Variants in WWC2 observed in about 807,000 individuals in gnomAD.
WWC2 encodes the protein WW and C2 domain containing 2, also known as protein WWC2.
Under a neutral mutation model 138.5 loss-of-function variants are expected in WWC2, and 101 were observed. That is an observed-to-expected ratio of 0.73 (90% CI 0.62 to 0.86). The LOEUF is 0.86. WWC2 is among the 40% of genes least tolerant of loss of function. The pLI is 0.00. For missense variants in WWC2, 1,420 were observed against 1,419.4 expected, an observed-to-expected ratio of 1.00 and a Z score of -0.01; for synonymous variants, 558 against 538.4, an observed-to-expected ratio of 1.04 and a Z score of -0.50.
At chr4:183,230,436 G>A (rs963749974) in intron 4 of WWC2, among the ~76,000 whole-genome samples, 3 of 152,184 alleles carry the variant, frequency 2.0e-5, no homozygotes, top group African/African-American at 7.2e-5. Context: ...CAGCACTTTG[G>A]GAGGCCAAAG....
chr4:183,206,692 T>C (rs1735456175), intron 2 of WWC2, among the ~76,000 whole-genome samples: 1 of 152,122 alleles, frequency 6.6e-6, no homozygotes, highest in South Asian at 2.1e-4. Context: ...CTCCTTTCTT[T>C]CACAGCAGAG....
intron 9 of WWC2, among the ~76,000 whole-genome samples, chr4:183,256,295 T>C (rs1157750053): frequency 1.3e-5 from 2 of 152,242 alleles, no homozygotes; most frequent in African/African-American, 4.8e-5. Flanking sequence ...CCTGGGATGC[T>C]CAAAGTGACT....
intron 1 of WWC2, among the ~76,000 whole-genome samples, chr4:183,144,263 C>G (rs1420777230): frequency 1.3e-5 from 2 of 151,976 alleles, no homozygotes; most frequent in Non-Finnish European, 2.9e-5. Context: ...AATCGGGGAG[C>G]TTTTGCTTTG....
chr4:183,258,867 A>G (rs893095707), intron 9 of WWC2, among the ~76,000 whole-genome samples: 1 of 152,228 alleles, frequency 6.6e-6, no homozygotes. Context: ...CACGACATAG[A>G]CTATACTTGC....
At chr4:183,267,535 A>G (rs1051217309) in intron 14 of WWC2, among the ~76,000 whole-genome samples, 4 of 152,360 alleles carry the variant, frequency 2.6e-5, no homozygotes, top group Non-Finnish European at 5.9e-5. Flanking sequence ...GCACAACTTC[A>G]GGAGAAAACT....
At chr4:183,314,043 G>C (rs1270870273) in intron 22 of WWC2, among the ~76,000 whole-genome samples, 1 of 152,068 alleles carries the variant, frequency 6.6e-6, no homozygotes, top group East Asian at 1.9e-4. Flanking sequence ...TCACGTGGTG[G>C]AGCAGGGACA....
chr4:183,222,096 C>T, intron 4 of WWC2, among the ~76,000 whole-genome samples: 1 of 152,048 alleles, frequency 6.6e-6, no homozygotes, highest in Non-Finnish European at 1.5e-5. Context: ...GGATGAATTT[C>T]AAAAACAGTG....
intron 2 of WWC2, among the ~76,000 whole-genome samples, chr4:183,196,231 C>T (rs1008131360): frequency 4.6e-5 from 7 of 152,148 alleles, no homozygotes; most frequent in Admixed American, 1.3e-4. Flanking sequence ...ATTACTCAGT[C>T]TCAGGTATTC....
At chr4:183,135,197 G>T (rs994234161) in intron 1 of WWC2, among the ~76,000 whole-genome samples, 4 of 152,112 alleles carry the variant, frequency 2.6e-5, no homozygotes, top group African/African-American at 4.8e-5. Context: ...GGGATTACCG[G>T]AGTGAGCGAC....
At chr4:183,306,571 C>A (rs1579075213) in intron 21 of WWC2, among the ~76,000 whole-genome samples, 1 of 151,760 alleles carries the variant, frequency 6.6e-6, no homozygotes, top group East Asian at 1.9e-4. Flanking sequence ...GAAGGGGTAA[C>A]AATTTTTTTT....
chr4:183,241,415 C>T (rs1736617892), intron 5 of WWC2, among the ~76,000 whole-genome samples: 1 of 152,180 alleles, frequency 6.6e-6, no homozygotes, highest in Non-Finnish European at 1.5e-5. Context: ...TCTTGGGATA[C>T]GCAGGCACTG....
intron 1 of WWC2, among the ~76,000 whole-genome samples, chr4:183,100,160 A>G (rs1457455973): frequency 6.6e-6 from 1 of 152,074 alleles, no homozygotes; most frequent in Non-Finnish European, 1.5e-5. Context: ...GGGCCCTGCT[A>G]GTGGGTGTGA....
At chr4:183,193,479 G>GT (rs970794787) in intron 1 of WWC2, 120 bp from the exon 2 acceptor site, 62,002 of 574,240 alleles carry the variant, frequency 0.11, no homozygotes, top group South Asian at 0.15. Context: ...TTTATCCTTG[G>GT]TTTTTTTTTT....
chr4:183,203,320 C>T (rs541936701), intron 2 of WWC2, among the ~76,000 whole-genome samples: 70 of 151,878 alleles, frequency 4.6e-4, no homozygotes, highest in African/African-American at 1.7e-3. Flanking sequence ...TTTCACAATG[C>T]GGGTACCTCA....
intron 17 of WWC2, chr4:183,281,157 T>C (rs1161248217): frequency 2.2e-6 from 1 of 456,364 alleles, no homozygotes; most frequent in Non-Finnish European, 3.7e-6. Context: ...TCTGAGCCTT[T>C]TTTTTTTTAG....
intron 1 of WWC2, among the ~76,000 whole-genome samples, chr4:183,130,382 T>C (rs1270711563): frequency 6.6e-6 from 1 of 152,070 alleles, no homozygotes; most frequent in Non-Finnish European, 1.5e-5. Flanking sequence ...AAAAAAAAAA[T>C]TATGTGTGGC....
intron 1 of WWC2, among the ~76,000 whole-genome samples, chr4:183,165,688 C>G (rs1166506432): frequency 2.0e-5 from 3 of 152,138 alleles, no homozygotes; most frequent in Non-Finnish European, 4.4e-5. Context: ...CATTTAATTA[C>G]TGTTACAAAG....
chr4:183,152,596 G>A (rs1733672111), intron 1 of WWC2, among the ~76,000 whole-genome samples: 1 of 151,570 alleles, frequency 6.6e-6, no homozygotes, highest in Non-Finnish European at 1.5e-5. Flanking sequence ...TCGAGAGTTG[G>A]GGTCTTGACC....
chr4:183,130,695 C>G (rs1023254296), intron 1 of WWC2, among the ~76,000 whole-genome samples: 1 of 152,164 alleles, frequency 6.6e-6, no homozygotes, highest in Non-Finnish European at 1.5e-5. Flanking sequence ...CTTCATTTGT[C>G]CACGTATTTA....
Sources: allele counts gnomAD v4.1 joint callset (sites outside exome capture counted in the v4.1 genomes callset), GRCh38; gene constraint gnomAD v4.1.1; transcripts MANE v1.5; gene names NCBI Gene and HGNC (gene_info 2026-07-23, HGNC 2026-07-21).